The following ARB2A variants were observed in gnomAD, a reference collection of about 807,000 sequenced individuals.
ARB2A encodes the protein cotranscriptional regulator ARB2A.
chr5:93,645,438 G>C, the ARB2A span, among the ~76,000 whole-genome samples: 1 of 152,192 alleles, frequency 6.6e-6, no homozygotes, highest in East Asian at 1.9e-4. Context: ...GCTGGACATG[G>C]TGGCGTGCAC....
At chr5:94,096,863 C>A in the ARB2A span, among the ~76,000 whole-genome samples, 2 of 152,152 alleles carry the variant, frequency 1.3e-5, no homozygotes, top group Non-Finnish European at 2.9e-5. Flanking sequence ...TACTGAGCAC[C>A]AGGATTCATT....
At chr5:93,958,425 G>A in the ARB2A span, among the ~76,000 whole-genome samples, 3 of 152,010 alleles carry the variant, frequency 2.0e-5, no homozygotes, top group South Asian at 6.2e-4. Flanking sequence ...TTTGTCAGAA[G>A]TTATTTTCAA....
At chr5:93,908,431 T>C in the ARB2A span, among the ~76,000 whole-genome samples, 1 of 150,834 alleles carries the variant, frequency 6.6e-6, no homozygotes, top group Non-Finnish European at 1.5e-5. Flanking sequence ...AAAAGTATCT[T>C]GTACTTTATT....
At chr5:93,896,521 G>A in the ARB2A span, among the ~76,000 whole-genome samples, 3 of 152,022 alleles carry the variant, frequency 2.0e-5, no homozygotes, top group Admixed American at 2.0e-4. Flanking sequence ...TTATGTATAT[G>A]CAAATACTGC....
the ARB2A span, among the ~76,000 whole-genome samples, chr5:93,986,757 G>C: frequency 2.6e-5 from 4 of 152,122 alleles, no homozygotes; most frequent in African/African-American, 9.7e-5. Context: ...TGTCAACTCA[G>C]GGTTAAATGG....
chr5:93,678,795 A>T, the ARB2A span, among the ~76,000 whole-genome samples: 1 of 152,086 alleles, frequency 6.6e-6, no homozygotes, highest in Non-Finnish European at 1.5e-5. Context: ...TTTTCTAAAC[A>T]AAAGTAATGA....
chr5:94,003,265 G>A, the ARB2A span, among the ~76,000 whole-genome samples: 253 of 152,126 alleles, frequency 1.7e-3, no homozygotes, highest in African/African-American at 4.8e-3. Context: ...AATGGCAAAA[G>A]ACTAAATGTT....
the ARB2A span, among the ~76,000 whole-genome samples, chr5:94,023,685 T>A: frequency 6.6e-6 from 1 of 152,328 alleles, no homozygotes; most frequent in African/African-American, 2.4e-5. Context: ...ATTATTTTTT[T>A]ATTTTTCAGG....
At chr5:93,889,706 C>T in the ARB2A span, among the ~76,000 whole-genome samples, 7 of 151,784 alleles carry the variant, frequency 4.6e-5, no homozygotes, top group South Asian at 2.1e-4. Context: ...TGCTACACTA[C>T]CTCATGGTAA....
the ARB2A span, among the ~76,000 whole-genome samples, chr5:93,780,638 C>T: frequency 2.6e-5 from 4 of 151,848 alleles, no homozygotes; most frequent in Admixed American, 1.3e-4. Flanking sequence ...CAGCTCACTG[C>T]AACCTCCACC....
chr5:93,853,770 G>A, the ARB2A span, among the ~76,000 whole-genome samples: 2 of 152,124 alleles, frequency 1.3e-5, no homozygotes, highest in Admixed American at 1.3e-4. Flanking sequence ...AAATTGATTT[G>A]CGTATATTGA....
At chr5:93,894,079 A>T in the ARB2A span, among the ~76,000 whole-genome samples, 15 of 152,172 alleles carry the variant, frequency 9.9e-5, no homozygotes, top group Admixed American at 3.9e-4. Context: ...GCCAATTTTT[A>T]AAAAATGTAC....
the ARB2A span, among the ~76,000 whole-genome samples, chr5:94,040,345 C>T: frequency 2.8e-4 from 42 of 151,846 alleles, no homozygotes; most frequent in East Asian, 6.4e-3. Context: ...GACAAGCAGC[C>T]GCCTGAACTT....
chr5:93,948,391 T>A, the ARB2A span, among the ~76,000 whole-genome samples: 1 of 152,222 alleles, frequency 6.6e-6, no homozygotes, highest in Non-Finnish European at 1.5e-5. Flanking sequence ...TTGAGTTCAC[T>A]GTAGATTCTG....
chr5:93,805,385 G>C, the ARB2A span: 1 of 984,930 alleles, frequency 1.0e-6, no homozygotes. Context: ...ATGTTTCCCA[G>C]TACCTCACAG....
At chr5:93,718,854 G>T in the ARB2A span, among the ~76,000 whole-genome samples, 1 of 151,976 alleles carries the variant, frequency 6.6e-6, no homozygotes, top group Non-Finnish European at 1.5e-5. Context: ...TCTCTCTAAA[G>T]GTTCTTTGGT....
chr5:93,737,851 G>A, the ARB2A span: 4 of 424,038 alleles, frequency 9.4e-6, no homozygotes, highest in African/African-American at 8.4e-5. Flanking sequence ...ATGGATCAAA[G>A]TCCTAAATTT....
At chr5:93,828,648 A>G in the ARB2A span, among the ~76,000 whole-genome samples, 1 of 152,194 alleles carries the variant, frequency 6.6e-6, no homozygotes, top group Non-Finnish European at 1.5e-5. Context: ...GACCATTTAC[A>G]TGTTTTAATT....
At chr5:93,909,926 T>C in the ARB2A span, among the ~76,000 whole-genome samples, 1 of 150,986 alleles carries the variant, frequency 6.6e-6, no homozygotes, top group Non-Finnish European at 1.5e-5. Flanking sequence ...GCTATACAAA[T>C]TTATTGTGAT....
Sources: gnomAD v4.1 joint callset for allele counts (sites outside exome capture counted in the v4.1 genomes callset) on GRCh38, gnomAD v4.1.1 for gene constraint, MANE v1.5 for transcripts, NCBI Gene and HGNC (gene_info 2026-07-23, HGNC 2026-07-21) for gene names.